The following KAZN variants were observed in gnomAD, a reference collection of about 807,000 sequenced individuals.
KAZN encodes the protein kazrin, periplakin interacting protein.
A neutral mutation model predicts 87.4 loss-of-function variants in KAZN; 40 were observed. That is an observed-to-expected ratio of 0.46 (90% confidence interval 0.36 to 0.60). KAZN has a LOEUF of 0.60. KAZN is among the 20% of genes least tolerant of loss of function. The pLI is 0.00. For synonymous variants in KAZN, 466 were observed against 458.3 expected, an observed-to-expected ratio of 1.02 and a Z score of -0.22; for missense variants, 898 against 1,073.9, an observed-to-expected ratio of 0.84 and a Z score of 2.29.
chr1:14,220,457 G>C (rs1285184773), intron 2 of KAZN, among the ~76,000 whole-genome samples: 2 of 152,148 alleles, frequency 1.3e-5, no homozygotes, highest in Admixed American at 1.3e-4. Context: ...CTATTTCTCT[G>C]TGTCGAGAGG....
chr1:14,761,236 C>T (rs1032394291), intron 1 of KAZN, among the ~76,000 whole-genome samples: 1 of 152,138 alleles, frequency 6.6e-6, no homozygotes, highest in South Asian at 2.1e-4. Context: ...CCTGGAGCCC[C>T]CTGCCTTGCT....
At chr1:14,979,186 C>T (rs953263914) in intron 2 of KAZN, among the ~76,000 whole-genome samples, 2 of 151,866 alleles carry the variant, frequency 1.3e-5, no homozygotes, top group African/African-American at 2.4e-5. Flanking sequence ...CCAAGGCGAG[C>T]GGATCACGAG....
rs1639252383 is a variant in KAZN, at chr1:15,066,708, T to C, written c.1222+955T>C. On this transcript the variant is annotated intron_variant, in intron 8 of 14. Coordinates refer to ENST00000376030, the MANE Select transcript of KAZN (RefSeq NM_201628.3). The surrounding 1 kb of genome is among the most constrained non-coding windows in gnomAD (Gnocchi z 4.3). ...TGGGTGTCTCTGTTGACTTGTCTGT[T>C]CTGTTACCATGCTGCTACCCAACTG... 7 of 985,328 alleles carry C rather than the reference T, an allele frequency of 7.1e-6. No homozygotes were observed. The South Asian group carries it at 3.3e-4, about 46-fold the overall frequency. 61.0% of individuals were successfully genotyped at this position (985,328 alleles called of 1,614,324 possible).
intron 13 of KAZN, among the ~76,000 whole-genome samples, chr1:15,108,171 G>T (rs1641361354): frequency 6.6e-6 from 1 of 152,210 alleles, no homozygotes; most frequent in Admixed American, 6.5e-5. Flanking sequence ...CTCCTCGGCT[G>T]ACAGGCTTCC....
chr1:14,382,798 TAGC>T (rs1307204333), intron 2 of KAZN, among the ~76,000 whole-genome samples: 2 of 151,176 alleles, frequency 1.3e-5, no homozygotes, highest in Non-Finnish European at 3.0e-5. Flanking sequence ...TGTGTCTTTA[TAGC>T]AGCATGATTT....
At chr1:14,093,542 T>C (rs1384129457) in intron 1 of KAZN, among the ~76,000 whole-genome samples, 1 of 152,176 alleles carries the variant, frequency 6.6e-6, no homozygotes, top group Non-Finnish European at 1.5e-5. Context: ...AGATTCCTCT[T>C]GCTTCACTTC....
At chr1:14,478,252 A>AGGAAGGAG (rs1402894787) in intron 2 of KAZN, among the ~76,000 whole-genome samples, 1 of 140,528 alleles carries the variant, frequency 7.1e-6, no homozygotes, top group Non-Finnish European at 1.6e-5. Context: ...AAGGAAAAGA[A>AGGAAGGAG]GGAAGGAAGG....
intron 1 of KAZN, among the ~76,000 whole-genome samples, chr1:14,135,771 TAAAAG>T (rs1216200345): frequency 1.3e-5 from 2 of 152,208 alleles, no homozygotes; most frequent in Non-Finnish European, 2.9e-5. Flanking sequence ...GAATTAATTC[TAAAAG>T]AGAAGGCAGG....
At chr1:14,922,688 A>C (rs1658658958) in intron 1 of KAZN, among the ~76,000 whole-genome samples, 1 of 150,462 alleles carries the variant, frequency 6.6e-6, no homozygotes, top group South Asian at 2.1e-4. Flanking sequence ...GCTACTCAGG[A>C]GGCTGAGGCA....
At chr1:14,152,284 C>G (rs950670872) in intron 1 of KAZN, among the ~76,000 whole-genome samples, 2 of 152,064 alleles carry the variant, frequency 1.3e-5, no homozygotes, top group East Asian at 3.8e-4. Flanking sequence ...TCTTTCAAGC[C>G]ATTTTTTCTT....
chr1:15,098,870 A>G (rs551322192), intron 10 of KAZN, among the ~76,000 whole-genome samples: 151 of 152,360 alleles, frequency 9.9e-4, no homozygotes, highest in African/African-American at 3.5e-3. Context: ...GTGTGAACTC[A>G]GAGCCTGAAG....
rs914514184 is a variant in KAZN at position 14,128,766 on chromosome 1, A to G, written c.92-51669A>G. On this transcript the variant is annotated intron_variant, in intron 1 of 16. Coordinates refer to the KAZN transcript ENST00000636203. ...CCCATAATAGGTGTCCTCACTGTTTATTGTCTTTTTGTCTTTGGAGAGCTG... is the reference window on the plus strand; with the variant it reads ...CCCATAATAGGTGTCCTCACTGTTTGTTGTCTTTTTGTCTTTGGAGAGCTG... Among the ~76,000 whole-genome samples, 4 of 152,136 alleles carry G rather than the reference A, an allele frequency of 2.6e-5. No homozygotes were observed. In the South Asian group the frequency reaches 6.2e-4, roughly 24 times the overall value.
intron 1 of KAZN, among the ~76,000 whole-genome samples, chr1:14,915,413 T>C (rs529486380): frequency 3.3e-5 from 5 of 152,256 alleles, no homozygotes; most frequent in African/African-American, 1.2e-4. Context: ...TGGCCCTCTG[T>C]GTCTCTCAAA....
intron 2 of KAZN, among the ~76,000 whole-genome samples, chr1:14,370,208 G>A (rs953866941): frequency 6.6e-6 from 1 of 152,178 alleles, no homozygotes; most frequent in African/African-American, 2.4e-5. Context: ...TTGGGAGGTG[G>A]GCAGGGAGAT....
intron 2 of KAZN, among the ~76,000 whole-genome samples, chr1:14,464,907 C>T (rs992416527): frequency 2.6e-4 from 40 of 152,036 alleles, no homozygotes; most frequent in African/African-American, 8.9e-4. Context: ...TGTTACATAG[C>T]ATGTTGCTGC....
chr1:14,693,460 A>C (rs1235375680), intron 1 of KAZN, among the ~76,000 whole-genome samples: 1 of 152,178 alleles, frequency 6.6e-6, no homozygotes, highest in Non-Finnish European at 1.5e-5. Flanking sequence ...GAAATTCTTA[A>C]ATCAGCTCAT....
chr1:14,747,082 A>G (rs1644281365), intron 1 of KAZN, among the ~76,000 whole-genome samples: 1 of 152,174 alleles, frequency 6.6e-6, no homozygotes, highest in African/African-American at 2.4e-5. Context: ...AAGCAGAATC[A>G]TATAGTATCT....
intron 1 of KAZN, among the ~76,000 whole-genome samples, chr1:14,058,723 C>A (rs377734536): frequency 6.6e-6 from 1 of 152,014 alleles, no homozygotes; most frequent in Non-Finnish European, 1.5e-5. Context: ...ATTAGGGATG[C>A]CAAAATAAAG....
At chr1:14,146,535 T>TAAAA (rs1645353669) in intron 1 of KAZN, among the ~76,000 whole-genome samples, 1 of 32,420 alleles carries the variant, frequency 3.1e-5, no homozygotes, top group Non-Finnish European at 5.8e-5. Context: ...AAACTCCATC[T>TAAAA]CAAAAAAAAA....
Sources: gnomAD v4.1 joint callset for allele counts (sites outside exome capture counted in the v4.1 genomes callset) on GRCh38, gnomAD v4.1.1 for gene constraint, Gnocchi (gnomAD v3.1) non-coding constraint, MANE v1.5 for transcripts, NCBI Gene and HGNC (gene_info 2026-07-23, HGNC 2026-07-21) for gene names.